The following BMPR1B variants were observed in gnomAD, a reference collection of about 807,000 sequenced individuals.
BMPR1B encodes the protein bone morphogenetic protein receptor type-1B.
BMPR1B carries 12 observed loss-of-function variants against 59.1 expected under a neutral mutation model. The observed-to-expected ratio is 0.20, with a 90% CI of 0.13 to 0.33. The LOEUF is 0.33. BMPR1B is among the 10% of genes least tolerant of loss of function. BMPR1B has a pLI of 1.00. For synonymous variants in BMPR1B, 237 were observed against 207.3 expected (o/e 1.14, Z -1.23); for missense variants, 550 against 610.9 (o/e 0.90, Z 1.05).
intron 8 of BMPR1B, 77 bp from the exon 9 acceptor site, chr4:95,129,785 T>C: frequency 6.9e-7 from 1 of 1,458,256 alleles, no homozygotes; most frequent in Non-Finnish European, 9.5e-7. Context: ...AGTAATCGTT[T>C]CTTCTCTGGA....
chr4:95,079,180 C>A (rs1267550684), intron 3 of BMPR1B, among the ~76,000 whole-genome samples: 2 of 152,188 alleles, frequency 1.3e-5, no homozygotes, highest in Non-Finnish European at 2.9e-5. Flanking sequence ...TACCAAATGG[C>A]AATCGCAATA....
Position 95,001,832 on chromosome 4 carries a change from G to T in BMPR1B, c.-18+5698G>T, listed in dbSNP as rs371146642. Among the ~76,000 whole-genome samples, 24 of 152,220 alleles carry T rather than the reference G, an allele frequency of 1.6e-4. No homozygotes were observed. The East Asian group carries it at 3.1e-3, about 20-fold the overall frequency. On this transcript the variant is annotated intron_variant, in intron 3 of 12. Transcript: ENST00000515059. ...TTTGTTTTGTACCTGTTATATTCTA[G>T]TAAGTTTTTGCTTCTCTATTTCTAT...
chr4:95,067,590 C>CA (rs1727932250), intron 3 of BMPR1B, among the ~76,000 whole-genome samples: 1 of 152,156 alleles, frequency 6.6e-6, no homozygotes, highest in African/African-American at 2.4e-5. Context: ...ACAGCATTAA[C>CA]AAAATATGTC....
At position 94,914,746 on chromosome 4, in the gene BMPR1B, A is replaced by G. The variant is rs28370928; in HGVS notation, c.-113+38846A>G. 7.4e-3 allele frequency among the ~76,000 whole-genome samples: 1,121 copies of G among 152,220 alleles called. 17 individuals are homozygous for G. Among genetic ancestry groups the G allele is most frequent in the African/African-American group, 0.026 (1,073 of 41,534 alleles). On this transcript the variant is annotated intron_variant, in intron 2 of 12. Transcript: ENST00000515059. ...TGGTGATCATAATATTCAGGAGTCAATTAGGGAAATGGGTGACCGACATAC... is the reference window on the plus strand; with the variant it reads ...TGGTGATCATAATATTCAGGAGTCAGTTAGGGAAATGGGTGACCGACATAC...
chr4:94,953,356 C>T (rs1005601727), intron 2 of BMPR1B, among the ~76,000 whole-genome samples: 56 of 152,180 alleles, frequency 3.7e-4, no homozygotes, highest in Admixed American at 2.9e-3. Flanking sequence ...TTCATAGTGT[C>T]GACGGTCTTT....
At chr4:95,091,505 G>A (rs1274536937) in intron 3 of BMPR1B, 1 of 985,166 alleles carries the variant, frequency 1.0e-6, no homozygotes, top group East Asian at 1.1e-4. Flanking sequence ...CACAGGTGCA[G>A]GATTAGTGCT....
At chr4:95,007,577 AGGTTC>A (rs1722935058) in intron 3 of BMPR1B, among the ~76,000 whole-genome samples, 1 of 152,202 alleles carries the variant, frequency 6.6e-6, no homozygotes. Context: ...ATATAATTTA[AGGTTC>A]TTATAAATTA....
rs542722370 is a variant in BMPR1B at position 95,135,332 on chromosome 4, C to G, written c.1076+3820C>G. On this transcript the variant is annotated intron_variant, in intron 10 of 12. Transcript: ENST00000515059. ...CTTTGTTCTTTTGGCTTAGGATTGA[C>G]TTAGCAATGCGGGCTCTTTTTTGGT... Among the ~76,000 whole-genome samples the G allele has an allele frequency of 3.1e-4, 47 of 152,284 alleles. No individual in the cohort carries two copies. In the South Asian group the frequency reaches 8.9e-3, roughly 29 times the overall value.
chr4:95,046,325 T>A (rs1726059201), intron 3 of BMPR1B, among the ~76,000 whole-genome samples: 1 of 152,212 alleles, frequency 6.6e-6, no homozygotes, highest in Admixed American at 6.5e-5. Flanking sequence ...GCCTGTTATA[T>A]TAAAGAACAT....
At chr4:94,962,199 G>A (rs181939994) in intron 2 of BMPR1B, among the ~76,000 whole-genome samples, 176 of 142,786 alleles carry the variant, frequency 1.2e-3, no homozygotes, top group Non-Finnish European at 2.2e-3. Context: ...GTGCGGTAGC[G>A]TAATCTTGGC....
At chr4:94,965,952 A>G (rs1280760877) in intron 2 of BMPR1B, among the ~76,000 whole-genome samples, 1 of 152,204 alleles carries the variant, frequency 6.6e-6, no homozygotes, top group Non-Finnish European at 1.5e-5. Context: ...TCATTTGCAC[A>G]TAGGGAAAGC....
At chr4:95,134,602 A>G in intron 10 of BMPR1B, among the ~76,000 whole-genome samples, 1 of 152,052 alleles carries the variant, frequency 6.6e-6, no homozygotes, top group Non-Finnish European at 1.5e-5. Flanking sequence ...TTTGATTTGC[A>G]TTTCTCTGAT....
chr4:94,820,432 G>C (rs943190768), intron 1 of BMPR1B, among the ~76,000 whole-genome samples: 4 of 152,220 alleles, frequency 2.6e-5, no homozygotes, highest in Non-Finnish European at 5.9e-5. Context: ...TTCCCAGTGG[G>C]ACTGTAAACT....
intron 2 of BMPR1B, among the ~76,000 whole-genome samples, chr4:94,968,948 C>T (rs937053664): frequency 1.3e-5 from 2 of 152,148 alleles, no homozygotes; most frequent in African/African-American, 2.4e-5. Context: ...TTTCTATTCA[C>T]AATTCCCAGC....
intron 4 of BMPR1B, among the ~76,000 whole-genome samples, chr4:95,108,304 A>G (rs1455341695): frequency 6.6e-6 from 1 of 152,106 alleles, no homozygotes; most frequent in Admixed American, 6.6e-5. Flanking sequence ...TAGGTAAAAC[A>G]GTTTAAAGGA....
At chr4:94,902,185 A>G (rs1176476973) in intron 2 of BMPR1B, among the ~76,000 whole-genome samples, 1 of 142,318 alleles carries the variant, frequency 7.0e-6, no homozygotes, top group Non-Finnish European at 1.5e-5. Flanking sequence ...TGAATGAATT[A>G]TATTTATACC....
intron 6 of BMPR1B, among the ~76,000 whole-genome samples, chr4:95,122,198 G>A (rs117637693): frequency 3.3e-5 from 5 of 152,164 alleles, no homozygotes; most frequent in East Asian, 3.9e-4. Flanking sequence ...TAAGTGGGGC[G>A]TGGTGGCTCG....
intron 1 of BMPR1B, among the ~76,000 whole-genome samples, chr4:94,860,289 A>AGTTTTTAGCATTTATTT (rs1560519466): frequency 6.6e-6 from 1 of 152,216 alleles, no homozygotes; most frequent in Admixed American, 6.5e-5. Context: ...TTGAAGAGCA[A>AGTTTTTAGCATTTATTT]AAACCGAGTA....
At chr4:94,762,729 T>C (rs1721825934) in intron 1 of BMPR1B, among the ~76,000 whole-genome samples, 1 of 152,156 alleles carries the variant, frequency 6.6e-6, no homozygotes, top group African/African-American at 2.4e-5. Flanking sequence ...AATAAGGCCA[T>C]GTGGGTGGCT....
Sources: gnomAD v4.1 joint callset for allele counts (sites outside exome capture counted in the v4.1 genomes callset) on GRCh38, gnomAD v4.1.1 for gene constraint, MANE v1.5 for transcripts, NCBI Gene and HGNC (gene_info 2026-07-23, HGNC 2026-07-21) for gene names.